Variants in TBXAS1 observed in about 807,000 individuals in gnomAD.
The protein encoded by TBXAS1 is thromboxane-A synthase.
In TBXAS1, 48 loss-of-function variants were observed where a neutral mutation model predicts 60.7. The ratio of observed to expected loss-of-function variants is 0.79; its 90% CI spans 0.63 to 1.01. The LOEUF (loss-of-function observed/expected upper bound fraction) is 1.01, where lower values mean the gene tolerates loss of function less well. Among genes scored for constraint, TBXAS1 ranks in the 50% least tolerant of loss-of-function variants. TBXAS1 has a pLI of 0.00. For missense variants in TBXAS1, 685 were observed against 686.3 expected (o/e 1.00, Z 0.02); for synonymous variants, 287 against 269.7 (o/e 1.06, Z -0.63).
intron 1 of TBXAS1, among the ~76,000 whole-genome samples, chr7:139,851,054 C>T (rs1432511045): frequency 6.6e-6 from 1 of 152,232 alleles, no homozygotes; most frequent in Admixed American, 6.5e-5. Flanking sequence ...GTTGGTCTTA[C>T]TGAGCCAAAG....
chr7:139,810,605 A>G (rs972078430), intron 4 of TBXAS1, among the ~76,000 whole-genome samples: 1 of 152,216 alleles, frequency 6.6e-6, no homozygotes, highest in African/African-American at 2.4e-5. Context: ...ATATTTTTGT[A>G]TACTATTAAC....
intron 3 of TBXAS1, among the ~76,000 whole-genome samples, chr7:139,902,966 T>A (rs1164698973): frequency 6.6e-6 from 1 of 152,104 alleles, no homozygotes; most frequent in Non-Finnish European, 1.5e-5. Flanking sequence ...CCATAAGTTA[T>A]TGGGGGTACA....
chr7:140,008,446 T>TA (rs1814267076), intron 10 of TBXAS1, among the ~76,000 whole-genome samples: 2 of 123,960 alleles, frequency 1.6e-5, no homozygotes, highest in South Asian at 5.3e-4. Context: ...TTTCTTTTAT[T>TA]CTTTTTTTTT....
intron 9 of TBXAS1, among the ~76,000 whole-genome samples, chr7:139,989,897 T>C (rs1022246368): frequency 6.6e-6 from 1 of 152,206 alleles, no homozygotes; most frequent in Admixed American, 6.5e-5. Flanking sequence ...ATTATTTGTG[T>C]CCTGCCCATC....
intron 3 of TBXAS1, among the ~76,000 whole-genome samples, chr7:139,902,850 A>G (rs1256314142): frequency 6.6e-6 from 1 of 152,162 alleles, no homozygotes; most frequent in Non-Finnish European, 1.5e-5. Context: ...AACTTCACCA[A>G]TGGCTAATAA....
intron 4 of TBXAS1, among the ~76,000 whole-genome samples, chr7:139,796,634 G>C (rs1355796381): frequency 6.6e-6 from 1 of 152,222 alleles, no homozygotes; most frequent in East Asian, 1.9e-4. Flanking sequence ...GTAAACTATG[G>C]TCTTGAGTTA....
intron 4 of TBXAS1, among the ~76,000 whole-genome samples, chr7:139,794,893 T>A (rs1239534628): frequency 2.8e-4 from 41 of 148,690 alleles, no homozygotes; most frequent in African/African-American, 9.0e-4. Context: ...ATGTGCCACA[T>A]TTTCTTAATC....
At chr7:139,789,888 C>T (rs181490639) in intron 4 of TBXAS1, among the ~76,000 whole-genome samples, 5 of 152,280 alleles carry the variant, frequency 3.3e-5, no homozygotes, top group Admixed American at 3.3e-4. Flanking sequence ...TCCTCGGCCT[C>T]CCAAAGTGCT....
chr7:139,952,413 T>A (rs891519949), intron 5 of TBXAS1: 50 of 1,111,930 alleles, frequency 4.5e-5, no homozygotes, highest in Non-Finnish European at 5.5e-5. Context: ...AGTGTGAAAA[T>A]CATCAAATCT....
chr7:139,927,506 GTTA>G (rs1806987137), intron 4 of TBXAS1, among the ~76,000 whole-genome samples: 1 of 149,828 alleles, frequency 6.7e-6, no homozygotes. Flanking sequence ...AGTTGTTGTA[GTTA>G]TTATTTTCAA....
At chr7:139,830,300 C>T (rs990922125) in intron 1 of TBXAS1, among the ~76,000 whole-genome samples, 3 of 152,058 alleles carry the variant, frequency 2.0e-5, no homozygotes, top group East Asian at 3.8e-4. Context: ...GACTGGAGTC[C>T]GAACAGAATT....
At chr7:139,894,209 C>T (rs1172076459) in intron 3 of TBXAS1, among the ~76,000 whole-genome samples, 1 of 152,202 alleles carries the variant, frequency 6.6e-6, no homozygotes, top group Non-Finnish European at 1.5e-5. Context: ...CACCCACGCA[C>T]CACACCATTG....
At chr7:139,899,096 G>A (rs912464380) in intron 3 of TBXAS1, among the ~76,000 whole-genome samples, 2 of 151,806 alleles carry the variant, frequency 1.3e-5, no homozygotes, top group Non-Finnish European at 1.5e-5. Flanking sequence ...AAAGGACAGT[G>A]CCCCATAATT....
At chr7:139,785,542 G>T (rs1797164699) in intron 3 of TBXAS1, among the ~76,000 whole-genome samples, 2 of 151,816 alleles carry the variant, frequency 1.3e-5, no homozygotes, top group African/African-American at 4.8e-5. Context: ...TCTACTGCCA[G>T]TACCTGATTG....
intron 9 of TBXAS1, among the ~76,000 whole-genome samples, chr7:139,979,733 T>C (rs1226070561): frequency 1.1e-5 from 1 of 93,408 alleles, no homozygotes; most frequent in South Asian, 4.5e-4. Flanking sequence ...ATCTCAATAA[T>C]AATAATAATA....
At chr7:139,849,628 G>T (rs1800071865) in intron 1 of TBXAS1, among the ~76,000 whole-genome samples, 1 of 152,128 alleles carries the variant, frequency 6.6e-6, no homozygotes. Context: ...AGAGGGAAGG[G>T]TCTGACTGAT....
At chr7:139,939,307 T>G (rs1237572878) in intron 5 of TBXAS1, among the ~76,000 whole-genome samples, 1 of 126,306 alleles carries the variant, frequency 7.9e-6, no homozygotes, top group African/African-American at 3.2e-5. Flanking sequence ...GAGGTTGCAG[T>G]AAGCCAAGAT....
chr7:139,940,789 A>C (rs1347838624), intron 5 of TBXAS1, among the ~76,000 whole-genome samples: 3 of 152,238 alleles, frequency 2.0e-5, no homozygotes, highest in African/African-American at 7.2e-5. Flanking sequence ...CACACTAGGT[A>C]CATAATAGAC....
chr7:139,987,686 C>A (rs1812599681), intron 9 of TBXAS1, among the ~76,000 whole-genome samples: 1 of 152,180 alleles, frequency 6.6e-6, no homozygotes, highest in South Asian at 2.1e-4. Flanking sequence ...TCTAATGGAA[C>A]CCTCCCGCCA....
Sources: gnomAD v4.1 joint callset for allele counts (sites outside exome capture counted in the v4.1 genomes callset) on GRCh38, gnomAD v4.1.1 for gene constraint, MANE v1.5 for transcripts, NCBI Gene and HGNC (gene_info 2026-07-23, HGNC 2026-07-21) for gene names.